The following ABCB11 variants were observed in gnomAD, a reference collection of about 807,000 sequenced individuals.
ABCB11 encodes the protein ATP binding cassette subfamily B member 11.
Under a neutral mutation model 148.0 loss-of-function variants are expected in ABCB11, and 95 were observed. The observed-to-expected ratio is 0.64, with a 90% CI of 0.54 to 0.76. ABCB11 has a LOEUF of 0.76. Ranked by LOEUF, ABCB11 falls within the 30% of genes least tolerant of loss-of-function variation. The pLI, the probability that ABCB11 is intolerant of heterozygous loss-of-function variation, is 0.00. For synonymous variants in ABCB11, 591 were observed against 555.4 expected (o/e 1.06, Z -0.90); for missense variants, 1,523 against 1,617.8 (o/e 0.94, Z 1.01).
At chr2:168,964,748 G>C (rs974968687) in intron 17 of ABCB11, among the ~76,000 whole-genome samples, 1 of 151,780 alleles carries the variant, frequency 6.6e-6, no homozygotes. Context: ...ACTTTAGCAT[G>C]GTTACAAATG....
In ABCB11 at chr2:169,016,962, G is replaced by GTCTC. The variant is rs140755843; in HGVS notation, c.77-167_77-164dup. ...CCTTTTCTTTCTTCCTGCTCATATT[G>GTCTC]TCTCTCTCTATCTTTCTACACACAC... On this transcript the variant is annotated intron_variant, in intron 2 of 27. Transcript: ENST00000650372. Among the ~76,000 whole-genome samples, 34,626 of 142,996 alleles carry GTCTC rather than the reference G, an allele frequency of 0.24. 5,135 individuals carry two copies. Among genetic ancestry groups the GTCTC allele is most frequent in the East Asian group, 0.57 (2,825 of 4,974 alleles). 93.8% of individuals were successfully genotyped at this position (142,996 alleles called of 152,430 possible). A position where few individuals can be genotyped will look rare whatever the true frequency, so the allele number is the denominator to read the frequency against.
chr2:168,986,442 T>C (rs1694328496), intron 9 of ABCB11, among the ~76,000 whole-genome samples, 158 bp from the exon 10 acceptor site: 1 of 152,070 alleles, frequency 6.6e-6, no homozygotes, highest in Admixed American at 6.6e-5. Context: ...CTTTATGTAG[T>C]TTTTTAAAGT....
chr2:169,014,930 C>T (rs1475369721), intron 3 of ABCB11, among the ~76,000 whole-genome samples: 2 of 152,074 alleles, frequency 1.3e-5, no homozygotes, highest in Admixed American at 6.6e-5. Context: ...ACCTGAGTCA[C>T]GCAGTCCATG....
Position 169,007,036 on chromosome 2 carries a change from T to A in ABCB11, c.389+6236A>T, listed in dbSNP as rs1216520278. Among the ~76,000 whole-genome samples, 4 of 152,144 alleles carry A rather than the reference T, an allele frequency of 2.6e-5. No homozygotes were observed. The East Asian group carries it at 5.8e-4, about 22-fold the overall frequency. The stretch of plus-strand genomic sequence containing the variant: ...CTTTGCAGAAGTTAAACAATTTATA[T>A]GAAAATCCAAGAGACCCAGAATAGA... On this transcript the variant is annotated intron_variant, in intron 5 of 27. Transcript: ENST00000650372.
chr2:168,925,956 T>G (rs1344214476), intron 26 of ABCB11, among the ~76,000 whole-genome samples: 1 of 152,184 alleles, frequency 6.6e-6, no homozygotes, highest in Non-Finnish European at 1.5e-5. Context: ...AATAGTAATT[T>G]CCATGTGCTT....
chr2:169,003,379 CAT>C (rs1267821646), intron 5 of ABCB11, among the ~76,000 whole-genome samples: 37 of 147,192 alleles, frequency 2.5e-4, no homozygotes, highest in Admixed American at 6.1e-4. Flanking sequence ...CACACAAAAA[CAT>C]ATTAAAATGT....
chr2:168,994,251 T>A (rs886489983), intron 7 of ABCB11, among the ~76,000 whole-genome samples: 1 of 152,112 alleles, frequency 6.6e-6, no homozygotes, highest in African/African-American at 2.4e-5. Flanking sequence ...TCTAGTCACA[T>A]ACCTTCTCGT....
Position 169,018,021 on chromosome 2 carries a change from A to C in ABCB11, c.76+29T>G, listed in dbSNP as rs925493324. 1.1e-5 allele frequency: 18 copies of C among 1,576,286 alleles called. No homozygotes were observed. The East Asian group carries it at 4.0e-4, about 35-fold the overall frequency. On this transcript the variant is annotated intron_variant, in intron 2 of 27. Transcript: ENST00000650372. ...TTTTGTTCTCACCTCTCCTTGTACA[A>C]GATGCAGTGAGGGAAAAAAGCCACT...
Position 169,018,063 on chromosome 2 carries a change from C to A in ABCB11, c.63G>T (p.Glu21Asp). Residue 21 changes from glutamate (E) to aspartate (D), a missense_variant, in exon 2 of 28, where the codon GAG becomes GAT. Coordinates refer to ENST00000650372, the MANE Select transcript of ABCB11 (RefSeq NM_003742.4). ...KKFGEENDGF[E>D]SDKSYNNDKK... ...AAAGCCACTCACATGATTTATCTGACTCAAAACCATCATTCTCCTCTCCAA... is the reference window on the plus strand; with the variant it reads ...AAAGCCACTCACATGATTTATCTGAATCAAAACCATCATTCTCCTCTCCAA... 6.2e-7 allele frequency: 1 copy of A among 1,613,424 alleles called. No homozygotes were observed. Among genetic ancestry groups the A allele is most frequent in the Non-Finnish European group, 8.5e-7 (1 of 1,179,500 alleles).
rs1336686378 is a variant in ABCB11, at chr2:168,921,846, CTTTTCTTTTTCT to C, written c.*1764_*1775del. Among the ~76,000 whole-genome samples, 3 of 95,080 alleles carry C rather than the reference CTTTTCTTTTTCT, an allele frequency of 3.2e-5. No individual in the cohort carries two copies. Among genetic ancestry groups the C allele is most frequent in the African/African-American group, 1.0e-4 (3 of 29,302 alleles). The allele number at this position is 95,080 out of a possible 152,430, so 62.4% of individuals were successfully genotyped here. ...ATTCCAAGGACGGAGTCCTTGACCTCTTTTCTTTTTCTTTTTCTTTTTTTTTTTTTTTCGCTC... is the reference window on the plus strand; with the variant it reads ...ATTCCAAGGACGGAGTCCTTGACCTCTTTTCTTTTTTTTTTTTTTTCGCTC... On this transcript the variant is annotated 3_prime_UTR_variant, in exon 28 of 28. Coordinates refer to ENST00000650372, the MANE Select transcript of ABCB11 (RefSeq NM_003742.4).
chr2:168,999,605 C>T (rs1205506221), intron 5 of ABCB11, among the ~76,000 whole-genome samples: 3 of 151,938 alleles, frequency 2.0e-5, no homozygotes, highest in Non-Finnish European at 4.4e-5. Flanking sequence ...TTGGGGTTGG[C>T]TTTTTTCCAC....
At position 169,023,432 on chromosome 2, in the gene ABCB11, T is replaced by C. The variant is rs539853703; in HGVS notation, c.-27-5280A>G. 4.6e-5 allele frequency among the ~76,000 whole-genome samples: 7 copies of C among 152,296 alleles called. No homozygotes were observed. The East Asian group carries it at 7.7e-4, about 17-fold the overall frequency. On this transcript the variant is annotated intron_variant, in intron 1 of 27. Coordinates refer to ENST00000650372, the MANE Select transcript of ABCB11 (RefSeq NM_003742.4). The stretch of plus-strand genomic sequence containing the variant: ...AAGTTAGTAAGTGATACAGCCGAGA[T>C]TGAAACTCAGAAAATGCATGCAGAG...
intron 19 of ABCB11, among the ~76,000 whole-genome samples, chr2:168,945,346 C>T (rs1264080987): frequency 6.6e-6 from 1 of 151,860 alleles, no homozygotes; most frequent in Non-Finnish European, 1.5e-5. Flanking sequence ...CGAAAGTTAG[C>T]TAAGAATATG....
At chr2:168,932,003 ATTTAT>A (rs986853979) in intron 24 of ABCB11, among the ~76,000 whole-genome samples, 1 of 151,944 alleles carries the variant, frequency 6.6e-6, no homozygotes, top group African/African-American at 2.4e-5. Flanking sequence ...TACACATTTT[ATTTAT>A]TTATTTATTT....
Position 169,018,167 on chromosome 2 carries a change from A to G in ABCB11, c.-27-15T>C. The stretch of plus-strand genomic sequence containing the variant: ...AGCCAACGACCCTATAAAATAAAAT[A>G]AAAGAATCATTGCAATTATTATCTC... On this transcript the variant is annotated splice_polypyrimidine_tract_variant and intron_variant, in intron 1 of 27. Coordinates refer to ENST00000650372, the MANE Select transcript of ABCB11 (RefSeq NM_003742.4). 6.3e-7 allele frequency: 1 copy of G among 1,594,772 alleles called. No individual in the cohort carries two copies. Among genetic ancestry groups the G allele is most frequent in the Non-Finnish European group, 8.6e-7 (1 of 1,165,060 alleles).
Position 169,014,304 on chromosome 2 carries a change from A to G in ABCB11, c.149T>C (p.Leu50Ser), listed in dbSNP as rs771468316. 20 of 1,612,936 alleles carry G rather than the reference A, an allele frequency of 1.2e-5. No homozygotes were observed. Among genetic ancestry groups the G allele is most frequent in the Non-Finnish European group, 1.6e-5 (19 of 1,179,096 alleles). Residue 50 changes from leucine to serine, a missense_variant and splice_region_variant, in exon 4 of 28, where the codon TTG becomes TCG. Transcript: ENST00000650372. Reference protein sequence around the residue: ...GDGVRVGFFQLFRFSSSTDIW... With the variant: ...GDGVRVGFFQSFRFSSSTDIW... ...CATAAATCAACACAGTTTTATTACC[A>G]ATTGAAAGAAGCCAACTCTAACGCC...
intron 1 of ABCB11, among the ~76,000 whole-genome samples, chr2:169,027,023 C>T (rs1695719992): frequency 6.6e-6 from 1 of 152,128 alleles, no homozygotes. Context: ...TTGAAGGAGG[C>T]TTTAATTAGG....
In ABCB11 at chr2:168,922,019, T is replaced by G. The variant is rs1328098017; in HGVS notation, c.*1603A>C. ...GCCCGCCACCACGCCCGGCTAATTTTTTTGTATTTTTAGTAGAGACGGGGT... is the reference window on the plus strand; with the variant it reads ...GCCCGCCACCACGCCCGGCTAATTTGTTTGTATTTTTAGTAGAGACGGGGT... On this transcript the variant is annotated 3_prime_UTR_variant, in exon 28 of 28. Transcript: ENST00000650372. 6.6e-6 allele frequency among the ~76,000 whole-genome samples: 1 copy of G among 151,972 alleles called. No homozygotes were observed. Among genetic ancestry groups the G allele is most frequent in the Non-Finnish European group, 1.5e-5 (1 of 67,988 alleles).
chr2:169,000,564 T>C, intron 5 of ABCB11, among the ~76,000 whole-genome samples: 1 of 152,142 alleles, frequency 6.6e-6, no homozygotes, highest in East Asian at 1.9e-4. Flanking sequence ...TTTCCACTTT[T>C]GTCAAAAATC....
Sources: allele counts gnomAD v4.1 joint callset (sites outside exome capture counted in the v4.1 genomes callset), GRCh38; gene constraint gnomAD v4.1.1; transcripts MANE v1.5; gene names NCBI Gene and HGNC (gene_info 2026-07-23, HGNC 2026-07-21).